The following GOLGB1 variants were observed in gnomAD, a reference collection of about 807,000 sequenced individuals.
GOLGB1 encodes the protein golgin subfamily B member 1.
GOLGB1 carries 174 observed loss-of-function variants against 336.9 expected under a neutral mutation model. The ratio of observed to expected loss-of-function variants is 0.52; its 90% confidence interval spans 0.46 to 0.59. GOLGB1 has a LOEUF of 0.59. GOLGB1 is among the 20% of genes least tolerant of loss of function. The probability of loss-of-function intolerance (pLI) is 0.00; values close to 1 mark genes in which losing one functional copy is unlikely to be tolerated. For missense variants in GOLGB1, 3,331 were observed against 3,645.3 expected (o/e 0.91, Z 2.22); for synonymous variants, 1,208 against 1,289.2 (o/e 0.94, Z 1.35).
Position 121,694,186 on chromosome 3 carries a change from T to C in GOLGB1, c.6337A>G (p.Asn2113Asp). 6.2e-7 allele frequency: 1 copy of C among 1,613,226 alleles called. No homozygotes were observed. The highest frequency in any genetic ancestry group is 8.5e-7 in the Non-Finnish European group (1 of 1,179,992). ...ATCTGGCTTTTAACTGATTCTTTAT[T>C]TGACTGAAGTTCCTTTTTCAACTTG... ...NLKLKKELQS[N>D]KESVKSQMKQ... Residue 2113 changes from asparagine to aspartate, a missense_variant, in exon 13 of 22, where the codon AAT becomes GAT. By Grantham distance (23) the Asn-to-Asp change is conservative. Coordinates refer to ENST00000614479, the MANE Select transcript of GOLGB1 (RefSeq NM_001366282.2).
At chr3:121,729,373 T>C (rs1393836424) in intron 3 of GOLGB1, 33 bp from the exon 4 acceptor site, 3 of 1,547,704 alleles carry the variant, frequency 1.9e-6, no homozygotes, top group Non-Finnish European at 2.7e-6. Context: ...AATACATAAA[T>C]GTTTATTCCC....
intron 17 of GOLGB1, among the ~76,000 whole-genome samples, chr3:121,674,576 T>C (rs1206978344): frequency 6.6e-6 from 1 of 152,186 alleles, no homozygotes; most frequent in Non-Finnish European, 1.5e-5. Flanking sequence ...ATATAAAACC[T>C]GAACATCTGA....
intron 1 of GOLGB1, among the ~76,000 whole-genome samples, chr3:121,749,324 G>A (rs1206475834): frequency 1.3e-5 from 2 of 152,218 alleles, no homozygotes; most frequent in African/African-American, 4.8e-5. Flanking sequence ...GACTGACCTA[G>A]GCGCTTTTCC....
intron 9 of GOLGB1, among the ~76,000 whole-genome samples, chr3:121,715,527 T>C (rs1272329391): frequency 1.3e-5 from 2 of 152,004 alleles, no homozygotes; most frequent in East Asian, 1.9e-4. Context: ...AGGCATTTTT[T>C]ACAAGTTCAT....
intron 10 of GOLGB1, among the ~76,000 whole-genome samples, chr3:121,711,889 A>G (rs1944389864): frequency 6.6e-6 from 1 of 152,210 alleles, no homozygotes; most frequent in African/African-American, 2.4e-5. Context: ...GTCAATTCTT[A>G]AACTGATCAA....
At chr3:121,740,689 AG>A (rs1358078805) in intron 1 of GOLGB1, among the ~76,000 whole-genome samples, 1 of 152,332 alleles carries the variant, frequency 6.6e-6, no homozygotes, top group East Asian at 1.9e-4. Context: ...AAAAAATGTA[AG>A]AAATTAAGAG....
At chr3:121,673,281 A>C (rs914872838) in intron 17 of GOLGB1, among the ~76,000 whole-genome samples, 25 of 151,806 alleles carry the variant, frequency 1.6e-4, no homozygotes, top group Admixed American at 2.6e-4. Flanking sequence ...GTTGGCCAGG[A>C]TGGTCTCGAA....
chr3:121,718,458 G>A lies in GOLGB1; in HGVS notation c.815C>T (p.Ser272Phe), dbSNP rs1383078458. 3.7e-6 allele frequency: 6 copies of A among 1,613,838 alleles called. No homozygotes were observed. The African/African-American group carries it at 8.0e-5, about 22-fold the overall frequency. The change falls in exon 8 of 22, where the codon TCC (serine) becomes TTC (phenylalanine). Residue 272 changes from serine (S) to phenylalanine (F), a missense_variant. Transcript: ENST00000614479. ...LQRKLEEHEESLVGRAQVVDL... is the reference protein window; with the variant it reads ...LQRKLEEHEEFLVGRAQVVDL... ...AACGACCTGAGCACGGCCCACCAAG[G>A]ATTCTTCGTGTTCCTCAAGCTTCCT...
At chr3:121,747,372 TATGTCTATATACGTATATATATAC>T (rs1236068364) in intron 1 of GOLGB1, among the ~76,000 whole-genome samples, 1 of 144,098 alleles carries the variant, frequency 6.9e-6, no homozygotes, top group Non-Finnish European at 1.5e-5. Flanking sequence ...TATATACGTA[TATGTCTATATACGTATATATATAC>T]ATATATACGT....
At position 121,692,073 on chromosome 3, in the gene GOLGB1, C is replaced by G. The variant is rs1259265377; in HGVS notation, c.7291G>C (p.Val2431Leu). Residue 2431 changes from valine to leucine, a missense_variant, in exon 14 of 22, where the codon GTT (valine) becomes CTT (leucine). Physicochemically the swap from Val to Leu is conservative, Grantham distance 32 (BLOSUM62 1). Coordinates refer to ENST00000614479, the MANE Select transcript of GOLGB1 (RefSeq NM_001366282.2). ...LLSQEEEENI[V>L]LEEENKKAVD... ...GCCTTTTTGTTCTCCTCTTCTAAAA[C>G]AATATTCTCCTCTTCCTCCTGGGAC... The G allele has an allele frequency of 6.2e-7, 1 of 1,613,392 alleles. No individual in the cohort carries two copies. The highest frequency in any genetic ancestry group is 1.3e-5 in the African/African-American group (1 of 74,946).
intron 3 of GOLGB1, 116 bp downstream of exon 3, chr3:121,729,749 T>C: frequency 1.3e-6 from 1 of 797,490 alleles, no homozygotes; most frequent in Non-Finnish European, 2.1e-6. Flanking sequence ...AAGGTTACAG[T>C]ACTAGGGAGA....
rs149647406 is a variant in GOLGB1 at position 121,730,952 on chromosome 3, C to A, written c.20G>T (p.Gly7Val). 3.7e-6 allele frequency: 6 copies of A among 1,612,814 alleles called. No homozygotes were observed. The African/African-American group carries it at 8.0e-5, about 22-fold the overall frequency. The stretch of plus-strand genomic sequence containing the variant: ...TTCATGCAAAACAACATTTGCTAAT[C>A]CTGATAATCGGCTCAGCATTTCTGT... MLSRLSGLANVVLHELS... is the reference protein window; with the variant it reads MLSRLSVLANVVLHELS... Residue 7 changes from glycine to valine, a missense_variant, in exon 2 of 22, where the codon GGA becomes GTA. Gly to Val is a moderately radical substitution (Grantham distance 109). Coordinates refer to ENST00000614479, the MANE Select transcript of GOLGB1 (RefSeq NM_001366282.2).
rs529285336 is a variant in GOLGB1 at position 121,736,685 on chromosome 3, T to C, written c.-2-5712A>G. Reference sequence around the variant, plus strand: ...TGGGAGGCCGAGGCAGGCAGATCACTTGAGGTCAGTAGTTCGAGACCAGCC... The same window carrying C: ...TGGGAGGCCGAGGCAGGCAGATCACCTGAGGTCAGTAGTTCGAGACCAGCC... On this transcript the variant is annotated intron_variant, in intron 1 of 21. Coordinates refer to ENST00000614479, the MANE Select transcript of GOLGB1 (RefSeq NM_001366282.2). Among the ~76,000 whole-genome samples the C allele has an allele frequency of 3.3e-5, 5 of 152,166 alleles. No individual in the cohort carries two copies. In the South Asian group the frequency reaches 1.0e-3, roughly 32 times the overall value.
Position 121,738,884 on chromosome 3 carries a change from T to G in GOLGB1, c.-2-7911A>C, listed in dbSNP as rs550969949. Among the ~76,000 whole-genome samples the G allele has an allele frequency of 5.9e-5, 9 of 152,188 alleles. No individual in the cohort carries two copies. In the South Asian group the frequency reaches 1.9e-3, roughly 32 times the overall value. ...CATATAGTTGAACAATGTCTGAAAA[T>G]AGCACAAGAGGAAACCTTATCAAGT... On this transcript the variant is annotated intron_variant, in intron 1 of 21. Coordinates refer to ENST00000614479, the MANE Select transcript of GOLGB1 (RefSeq NM_001366282.2).
rs774733107 is a variant in GOLGB1, at chr3:121,698,938, A to T, written c.1594-9T>A. 17 of 1,496,246 alleles carry T rather than the reference A, an allele frequency of 1.1e-5. No homozygotes were observed. The highest frequency in any genetic ancestry group is 2.8e-5 in the African/African-American group (2 of 70,926). The allele number at this position is 1,496,246 out of a possible 1,614,324, so 92.7% of individuals were successfully genotyped here. A position where few individuals can be genotyped will look rare whatever the true frequency, so the allele number is the denominator to read the frequency against. ...ATATCAACAATGCTGATCTATTTTTAAAAAAGAAAAAAAAAGCTGTAATCA... is the reference window on the plus strand; with the variant it reads ...ATATCAACAATGCTGATCTATTTTTTAAAAAGAAAAAAAAAGCTGTAATCA... On this transcript the variant is annotated splice_polypyrimidine_tract_variant and intron_variant, in intron 12 of 21. Coordinates refer to ENST00000614479, the MANE Select transcript of GOLGB1 (RefSeq NM_001366282.2).
intron 1 of GOLGB1, among the ~76,000 whole-genome samples, chr3:121,736,449 G>A (rs1191833376): frequency 6.6e-6 from 1 of 152,110 alleles, no homozygotes; most frequent in East Asian, 1.9e-4. Context: ...TGCAAAACCC[G>A]TAAGCCCAGT....
At chr3:121,702,216 C>T (rs919777985) in intron 11 of GOLGB1, among the ~76,000 whole-genome samples, 5 of 152,092 alleles carry the variant, frequency 3.3e-5, no homozygotes, top group African/African-American at 4.8e-5. Context: ...CTATAGGATA[C>T]GATGACCATT....
At chr3:121,665,919 G>C (rs1209372220) in intron 20 of GOLGB1, among the ~76,000 whole-genome samples, 2 of 152,204 alleles carry the variant, frequency 1.3e-5, no homozygotes, top group African/African-American at 4.8e-5. Flanking sequence ...AAAGAGAACT[G>C]AGCATGCACA....
At chr3:121,723,865 G>T (rs1945362476) in intron 5 of GOLGB1, among the ~76,000 whole-genome samples, 1 of 152,062 alleles carries the variant, frequency 6.6e-6, no homozygotes, top group Non-Finnish European at 1.5e-5. Context: ...GAATAAATTT[G>T]ACACAAAAAT....
Sources: gnomAD v4.1 joint callset for allele counts (sites outside exome capture counted in the v4.1 genomes callset) on GRCh38, gnomAD v4.1.1 for gene constraint, MANE v1.5 for transcripts, NCBI Gene and HGNC (gene_info 2026-07-23, HGNC 2026-07-21) for gene names.